The following SAMD4A variants were observed in gnomAD, a reference collection of about 807,000 sequenced individuals.
SAMD4A encodes protein Smaug homolog 1.
SAMD4A carries 33 observed loss-of-function variants against 81.3 expected under a neutral mutation model. The ratio of observed to expected loss-of-function variants is 0.41; its 90% confidence interval spans 0.31 to 0.54. The LOEUF (loss-of-function observed/expected upper bound fraction) is 0.54, where lower values mean the gene tolerates loss of function less well. SAMD4A is among the 20% of genes least tolerant of loss of function. The pLI is 0.37. For missense variants in SAMD4A, 854 were observed against 951.1 expected (o/e 0.90, Z 1.34); for synonymous variants, 389 against 382.1 (o/e 1.02, Z -0.21).
At chr14:54,709,001 C>A (rs185084109) in intron 3 of SAMD4A, among the ~76,000 whole-genome samples, 14 of 152,058 alleles carry the variant, frequency 9.2e-5, no homozygotes, top group Non-Finnish European at 1.5e-4. Flanking sequence ...TGATAGAGGC[C>A]GGATGCAGTG....
chr14:54,671,651 C>G (rs116157432), intron 2 of SAMD4A, among the ~76,000 whole-genome samples: 1 of 152,136 alleles, frequency 6.6e-6, no homozygotes, highest in Admixed American at 6.5e-5. Flanking sequence ...TTACTGAACA[C>G]GTGGAACGAA....
intron 9 of SAMD4A, 65 bp from the exon 10 acceptor site, chr14:54,774,869 G>T: frequency 1.4e-6 from 2 of 1,451,250 alleles, no homozygotes; most frequent in Non-Finnish European, 1.9e-6. Flanking sequence ...CCCTTGGGAA[G>T]CCTGTGGCTT....
Position 54,615,992 on chromosome 14 carries a change from C to T in SAMD4A, c.196+47880C>T, listed in dbSNP as rs929042274. ...AAATAAAAGTTTGCTGTATTCCATC[C>T]CCTTTCAGGTAAAATTTACTTGTAT... On this transcript the variant is annotated intron_variant, in intron 2 of 12. Transcript: ENST00000554335. Among the ~76,000 whole-genome samples the T allele has an allele frequency of 2.6e-5, 4 of 151,964 alleles. No homozygotes were observed. In the East Asian group the frequency reaches 7.7e-4, roughly 29 times the overall value.
At chr14:54,692,681 AGT>A (rs777584598) in intron 2 of SAMD4A, among the ~76,000 whole-genome samples, 5 of 152,008 alleles carry the variant, frequency 3.3e-5, no homozygotes, top group Non-Finnish European at 7.4e-5. Context: ...AAGATTAGAG[AGT>A]GGGAAAGCTT....
intron 2 of SAMD4A, among the ~76,000 whole-genome samples, chr14:54,667,615 G>A (rs1177384239): frequency 6.6e-6 from 1 of 152,156 alleles, no homozygotes; most frequent in African/African-American, 2.4e-5. Context: ...CCTCTCTGTT[G>A]CCTTCTCCCT....
chr14:54,604,648 A>G (rs2034150795), intron 2 of SAMD4A, among the ~76,000 whole-genome samples: 1 of 152,208 alleles, frequency 6.6e-6, no homozygotes, highest in Non-Finnish European at 1.5e-5. Flanking sequence ...TTGCTTATAA[A>G]TCCTAAATGA....
intron 3 of SAMD4A, among the ~76,000 whole-genome samples, chr14:54,734,412 GAT>G (rs1163947941): frequency 1.3e-5 from 2 of 152,342 alleles, no homozygotes; most frequent in East Asian, 3.9e-4. Context: ...TGTTCATTAT[GAT>G]ATAGAGTGTA....
rs2039239630 is a variant in SAMD4A at position 54,790,439 on chromosome 14, C to T, written c.*1495C>T. 6.6e-6 allele frequency: 1 copy of T among 152,198 alleles called. No homozygotes were observed. The highest frequency in any genetic ancestry group is 2.4e-5 in the African/African-American group (1 of 41,440). The allele number at this position is 152,198 out of a possible 1,614,324, so 9.4% of individuals were successfully genotyped here. The stretch of plus-strand genomic sequence containing the variant: ...GAGGGGAGGAAAAAGACACTCGTTA[C>T]TTGGTGGGAGATTGAGAAACTGTGG... On this transcript the variant is annotated 3_prime_UTR_variant, in exon 13 of 13. Transcript: ENST00000554335.
intron 3 of SAMD4A, among the ~76,000 whole-genome samples, chr14:54,715,990 T>C (rs957086565): frequency 6.6e-6 from 1 of 152,164 alleles, no homozygotes; most frequent in Non-Finnish European, 1.5e-5. Flanking sequence ...TTCTGTTGCT[T>C]GGCACCTGAA....
intron 2 of SAMD4A, among the ~76,000 whole-genome samples, chr14:54,687,780 G>T (rs2036315184): frequency 6.6e-6 from 1 of 152,134 alleles, no homozygotes; most frequent in Admixed American, 6.5e-5. Context: ...GAGGGTAAGG[G>T]CCTCAAGAAA....
chr14:54,628,646 C>T (rs1379248344), intron 2 of SAMD4A, among the ~76,000 whole-genome samples: 1 of 152,068 alleles, frequency 6.6e-6, no homozygotes, highest in Non-Finnish European at 1.5e-5. Flanking sequence ...TAGTGTGTAC[C>T]AGGCATTGTA....
At chr14:54,671,571 C>T (rs746851973) in intron 2 of SAMD4A, among the ~76,000 whole-genome samples, 1 of 152,122 alleles carries the variant, frequency 6.6e-6, no homozygotes, top group Non-Finnish European at 1.5e-5. Context: ...CTGAGTGAGG[C>T]ACAGGGTTAG....
chr14:54,751,402 AAT>A (rs1431681278), intron 5 of SAMD4A, 47 bp from the exon 6 acceptor site: 2 of 1,237,838 alleles, frequency 1.6e-6, no homozygotes, highest in East Asian at 2.4e-5. Flanking sequence ...GATTCTTAAA[AAT>A]ATGTTTTTAA....
At chr14:54,571,444 A>G (rs1016967582) in intron 2 of SAMD4A, among the ~76,000 whole-genome samples, 4 of 152,232 alleles carry the variant, frequency 2.6e-5, no homozygotes, top group Non-Finnish European at 5.9e-5. Flanking sequence ...ACCTACAAGT[A>G]GCAAAAATGC....
At chr14:54,566,148 G>C (rs1350007770), upstream of SAMD4A, among the ~76,000 whole-genome samples, 24 of 151,854 alleles carry the variant, frequency 1.6e-4, no homozygotes, top group Admixed American at 1.3e-3. Flanking sequence ...CAGCAGCGGC[G>C]GCTGCAGCGG....
chr14:54,776,015 T>TAAAAAAAA (rs10539223), intron 10 of SAMD4A, among the ~76,000 whole-genome samples: 8 of 89,840 alleles, frequency 8.9e-5, no homozygotes, highest in African/African-American at 3.9e-4. Context: ...GTAAGAATCT[T>TAAAAAAAA]AAAAAAAAAA....
intron 2 of SAMD4A, among the ~76,000 whole-genome samples, chr14:54,695,979 AGAAAAT>A (rs1453118154): frequency 6.7e-6 from 1 of 148,468 alleles, no homozygotes; most frequent in Non-Finnish European, 1.5e-5. Flanking sequence ...AAAAAGAAAA[AGAAAAT>A]AGGGGGAGGG....
chr14:54,699,861 G>C (rs574466585), intron 2 of SAMD4A, among the ~76,000 whole-genome samples: 1 of 152,184 alleles, frequency 6.6e-6, no homozygotes, highest in Non-Finnish European at 1.5e-5. Flanking sequence ...CATTATTCTG[G>C]CAATTCTGTT....
chr14:54,584,377 C>A (rs2033559034), intron 2 of SAMD4A, among the ~76,000 whole-genome samples: 2 of 152,110 alleles, frequency 1.3e-5, no homozygotes, highest in Admixed American at 6.6e-5. Context: ...ACATCAGCGT[C>A]TTTTTTATGC....
Sources: gnomAD v4.1 joint callset for allele counts (sites outside exome capture counted in the v4.1 genomes callset) on GRCh38, gnomAD v4.1.1 for gene constraint, MANE v1.5 for transcripts, NCBI Gene and HGNC (gene_info 2026-07-23, HGNC 2026-07-21) for gene names.